Variants in CAPRIN1 observed in about 807,000 individuals in gnomAD.
CAPRIN1 encodes the protein cell cycle associated protein 1, also known as caprin-1.
A neutral mutation model predicts 100.9 loss-of-function variants in CAPRIN1; 29 were observed. That is an observed-to-expected ratio of 0.29 (90% CI 0.21 to 0.39). The LOEUF (loss-of-function observed/expected upper bound fraction) is 0.39, where lower values mean the gene tolerates loss of function less well. CAPRIN1 is among the 10% of genes least tolerant of loss of function. The probability of loss-of-function intolerance (pLI) is 1.00; values close to 1 mark genes in which losing one functional copy is unlikely to be tolerated. For synonymous variants in CAPRIN1, 338 were observed against 307.5 expected (o/e 1.10, Z -1.04); for missense variants, 795 against 876.7 (o/e 0.91, Z 1.18).
chr11:34,052,299 C>A, intron 1 of CAPRIN1, 122 bp from the exon 2 acceptor site: 2 of 838,764 alleles, frequency 2.4e-6, no homozygotes, highest in East Asian at 2.9e-5. Flanking sequence ...CCCCCTCCCC[C>A]ACCCGCTCGC....
intron 4 of CAPRIN1, among the ~76,000 whole-genome samples, chr11:34,074,565 G>A (rs1249506727): frequency 6.6e-6 from 1 of 151,978 alleles, no homozygotes; most frequent in East Asian, 1.9e-4. Flanking sequence ...CTCTTCCTGT[G>A]TTTCCTGCCT....
intron 12 of CAPRIN1, 28 bp downstream of exon 12, chr11:34,089,484 G>C: frequency 7.0e-7 from 1 of 1,423,424 alleles, no homozygotes; most frequent in South Asian, 1.2e-5. Flanking sequence ...ATTTTCTTCA[G>C]GGCCAGGTTA....
At chr11:34,070,771 C>T (rs1338755819) in intron 2 of CAPRIN1, among the ~76,000 whole-genome samples, 2 of 151,864 alleles carry the variant, frequency 1.3e-5, no homozygotes, top group Non-Finnish European at 1.5e-5. Flanking sequence ...GGTGCGATCT[C>T]GGCTCACCGC....
chr11:34,052,994 G>A, intron 2 of CAPRIN1: 2 of 1,058,824 alleles, frequency 1.9e-6, no homozygotes, highest in Admixed American at 5.6e-5. Context: ...TCTGAGGCCC[G>A]ATTTCTCTGA....
chr11:34,098,858 G>A (rs1371930236), intron 18 of CAPRIN1: 2 of 988,678 alleles, frequency 2.0e-6, no homozygotes, highest in Non-Finnish European at 2.4e-6. Context: ...AGGTAATAAG[G>A]TCTGTTTTCA....
chr11:34,080,649 C>T (rs993313165), intron 7 of CAPRIN1, among the ~76,000 whole-genome samples: 1 of 152,174 alleles, frequency 6.6e-6, no homozygotes, highest in African/African-American at 2.4e-5. Flanking sequence ...GAGTAAAATT[C>T]TGAATACAAG....
chr11:34,102,533 C>G lies in CAPRIN1; in HGVS notation c.*3166C>G, dbSNP rs1174041491. On this transcript the variant is annotated 3_prime_UTR_variant, in exon 19 of 19. Transcript: ENST00000341394. The stretch of plus-strand genomic sequence containing the variant: ...TTAAGGCTCATCTTCATACCTTTTT[C>G]CATTTTGAATCCTACAAAAATACTG... 6.6e-6 allele frequency among the ~76,000 whole-genome samples: 1 copy of G among 152,132 alleles called. No individual in the cohort carries two copies. The highest frequency in any genetic ancestry group is 2.4e-5 in the African/African-American group (1 of 41,424).
intron 14 of CAPRIN1, among the ~76,000 whole-genome samples, chr11:34,091,322 C>T (rs1030050723): frequency 1.3e-5 from 2 of 152,196 alleles, no homozygotes; most frequent in East Asian, 1.9e-4. Context: ...AGTCTTGCTC[C>T]GTCGCCCAGG....
At chr11:34,066,574 C>T (rs1850699891) in intron 2 of CAPRIN1, among the ~76,000 whole-genome samples, 1 of 151,218 alleles carries the variant, frequency 6.6e-6, no homozygotes, top group Admixed American at 6.6e-5. Flanking sequence ...CCTTGTGATC[C>T]GCCTGCCTCA....
intron 17 of CAPRIN1, 38 bp from the exon 18 acceptor site, chr11:34,097,660 A>T: frequency 1.2e-6 from 2 of 1,612,862 alleles, no homozygotes; most frequent in Non-Finnish European, 1.7e-6. Flanking sequence ...GCATTTTTTA[A>T]AAAGTACCTT....
rs1452971138 is a variant in CAPRIN1, at chr11:34,102,526, C to T, written c.*3159C>T. On this transcript the variant is annotated 3_prime_UTR_variant, in exon 19 of 19. Coordinates refer to ENST00000341394, the MANE Select transcript of CAPRIN1 (RefSeq NM_005898.5). ...TAAATTGTTAAGGCTCATCTTCATA[C>T]CTTTTTCCATTTTGAATCCTACAAA... 6.6e-6 allele frequency among the ~76,000 whole-genome samples: 1 copy of T among 152,128 alleles called. No individual in the cohort carries two copies. Among genetic ancestry groups the T allele is most frequent in the Non-Finnish European group, 1.5e-5 (1 of 68,022 alleles).
intron 12 of CAPRIN1, 85 bp from the exon 13 acceptor site, chr11:34,090,094 C>T (rs1851233028): frequency 1.5e-6 from 1 of 687,194 alleles, no homozygotes; most frequent in Admixed American, 2.6e-5. Flanking sequence ...TATTTCTTAG[C>T]CTTATGCGTC....
intron 4 of CAPRIN1, among the ~76,000 whole-genome samples, chr11:34,072,625 T>G (rs959366939): frequency 3.9e-5 from 6 of 152,200 alleles, no homozygotes; most frequent in African/African-American, 1.4e-4. Context: ...CAGCACTCGA[T>G]CCAACTTAAT....
At chr11:34,097,110 C>T in intron 16 of CAPRIN1, 86 bp from the exon 17 acceptor site, 1 of 891,354 alleles carries the variant, frequency 1.1e-6, no homozygotes, top group East Asian at 2.4e-5. Flanking sequence ...CTTATAATTT[C>T]TAGTTCTTCC....
intron 2 of CAPRIN1, among the ~76,000 whole-genome samples, chr11:34,071,524 C>A (rs545386601): frequency 6.6e-6 from 1 of 152,008 alleles, no homozygotes; most frequent in South Asian, 2.1e-4. Flanking sequence ...AAGATCGTGC[C>A]ATTGCACGCT....
intron 11 of CAPRIN1, 132 bp from the exon 12 acceptor site, chr11:34,089,263 T>A (rs11032510): frequency 0.028 from 57 of 2,010 alleles, 2 homozygotes; most frequent in South Asian, 0.067. Flanking sequence ...AGTGAGACAC[T>A]CCCCCCCCCC....
Position 34,071,887 on chromosome 11 carries a change from C to A in CAPRIN1, c.280-14C>A, listed in dbSNP as rs758896452. On this transcript the variant is annotated splice_polypyrimidine_tract_variant and intron_variant, in intron 3 of 18. Transcript: ENST00000341394. The stretch of plus-strand genomic sequence containing the variant: ...TTGTCTTTCCAGTAAAGTTTGGGTT[C>A]TTTGTCATTTTAGGATGCCGTTTCT... 1.2e-6 allele frequency: 2 copies of A among 1,609,272 alleles called. No homozygotes were observed. The highest frequency in any genetic ancestry group is 1.1e-5 in the South Asian group (1 of 90,482).
intron 2 of CAPRIN1, among the ~76,000 whole-genome samples, chr11:34,066,423 A>T (rs145683076): frequency 0.1 from 15,520 of 148,490 alleles, 860 homozygotes; most frequent in African/African-American, 0.16. Flanking sequence ...AACCTCTGCC[A>T]CCTGGGTTCA....
intron 2 of CAPRIN1, among the ~76,000 whole-genome samples, chr11:34,067,679 T>G (rs1850726091): frequency 6.6e-6 from 1 of 151,966 alleles, no homozygotes; most frequent in African/African-American, 2.4e-5. Flanking sequence ...TTAAATTTTT[T>G]GTAGAGACAG....
Sources: gnomAD v4.1 joint callset for allele counts (sites outside exome capture counted in the v4.1 genomes callset) on GRCh38, gnomAD v4.1.1 for gene constraint, MANE v1.5 for transcripts, NCBI Gene and HGNC (gene_info 2026-07-23, HGNC 2026-07-21) for gene names.